The following C22orf23 variants were observed in gnomAD, a reference collection of about 807,000 sequenced individuals.
C22orf23 encodes chromosome 22 open reading frame 23, also known as UPF0193 protein EVG1.
A neutral mutation model predicts 29.7 loss-of-function variants in C22orf23; 30 were observed. That is an observed-to-expected ratio of 1.01 (90% CI 0.76 to 1.37). The LOEUF (loss-of-function observed/expected upper bound fraction) is 1.37, where lower values mean the gene tolerates loss of function less well. Among genes scored for constraint, C22orf23 ranks in the 40% most tolerant of loss-of-function variants. The pLI is 0.00. For missense variants in C22orf23, 237 were observed against 273.1 expected (o/e 0.87, Z 0.93); for synonymous variants, 90 against 96.1 (o/e 0.94, Z 0.37).
intron 3 of C22orf23, 124 bp downstream of exon 3, chr22:37,951,336 G>T: frequency 1.2e-6 from 1 of 854,218 alleles, no homozygotes. Context: ...TTACAGGCAT[G>T]AGCCACGTGC....
rs927473614 is a variant in C22orf23 at position 37,947,317 on chromosome 22, C to A, written c.313G>T (p.Ala105Ser). 13 of 1,613,822 alleles carry A rather than the reference C, an allele frequency of 8.1e-6. No individual in the cohort carries two copies. Among genetic ancestry groups the A allele is most frequent in the Non-Finnish European group, 1.1e-5 (13 of 1,180,014 alleles). Residue 105 changes from alanine (A) to serine (S), a missense_variant, in exon 4 of 7, where the codon GCC (alanine) becomes TCC (serine). Physicochemically the swap from Ala to Ser is moderately conservative, Grantham distance 99. Transcript: ENST00000403305. ...GGCTTGAACTGCTCCCGGCTGTAGG[C>A]CCCATTGGCTTGACACATGTTGGCA... ...RPANMCQANG[A>S]YSREQFKPQA...
At chr22:37,953,660 G>A, upstream of C22orf23, 1 of 1,164,216 alleles carries the variant, frequency 8.6e-7, no homozygotes, top group Non-Finnish European at 1.2e-6. Flanking sequence ...CCTGCCTCCC[G>A]GAAGTGATTT....
chr22:37,950,233 C>T (rs894652809), intron 3 of C22orf23, among the ~76,000 whole-genome samples: 6 of 151,756 alleles, frequency 4.0e-5, no homozygotes, highest in Admixed American at 3.3e-4. Context: ...CTGCCTCAGC[C>T]TCCTGAGTAG....
At chr22:37,945,849 C>T (rs1601847342) in intron 4 of C22orf23, among the ~76,000 whole-genome samples, 2 of 149,980 alleles carry the variant, frequency 1.3e-5, no homozygotes, top group African/African-American at 4.9e-5. Context: ...CACGGTGGCT[C>T]ACACCTGTAA....
chr22:37,947,423 G>T lies in C22orf23; in HGVS notation c.207C>A (p.Ser69Arg), dbSNP rs764416313. ...ALPLQCSPTS[S>R]QRVLPSKQIA... Reference sequence around the variant, plus strand: ...TTTGCTTGGAAGGTAAGACTCTCTGGCTGGATGTTGGGCTGCACTGTAGGG... The same window carrying T: ...TTTGCTTGGAAGGTAAGACTCTCTGTCTGGATGTTGGGCTGCACTGTAGGG... Residue 69 changes from serine (S) to arginine (R), a missense_variant, in exon 4 of 7, where the codon AGC becomes AGA. Ser to Arg is a moderately radical substitution (Grantham distance 110). Transcript: ENST00000403305. 1 of 1,611,534 alleles carries T rather than the reference G, an allele frequency of 6.2e-7. No individual in the cohort carries two copies. Among genetic ancestry groups the T allele is most frequent in the African/African-American group, 1.3e-5 (1 of 74,798 alleles).
chr22:37,951,405 A>G (rs1179007086), intron 3 of C22orf23, 55 bp downstream of exon 3: 3 of 1,489,194 alleles, frequency 2.0e-6, no homozygotes, highest in South Asian at 2.3e-5. Context: ...GAGAAGCATT[A>G]AAAGTGTGGC....
intron 5 of C22orf23, chr22:37,944,751 T>C (rs1396012985): frequency 1.3e-5 from 7 of 554,990 alleles, no homozygotes; most frequent in African/African-American, 7.6e-5. Flanking sequence ...ATACAAAAAT[T>C]AGCCAGGCAT....
chr22:37,951,316 A>G (rs537030599), intron 3 of C22orf23, 144 bp downstream of exon 3: 1 of 705,268 alleles, frequency 1.4e-6, no homozygotes, highest in African/African-American at 1.8e-5. Flanking sequence ...TCAGCCTCCC[A>G]GTGTTGGAAT....
intron 3 of C22orf23, among the ~76,000 whole-genome samples, chr22:37,947,788 A>G (rs1264640359): frequency 6.7e-6 from 1 of 149,366 alleles, no homozygotes; most frequent in Non-Finnish European, 1.5e-5. Flanking sequence ...TATAGGCATG[A>G]GCTATTGCAC....
chr22:37,953,635 C>A, upstream of C22orf23: 1 of 915,050 alleles, frequency 1.1e-6, no homozygotes, highest in Non-Finnish European at 1.6e-6. Context: ...CGCATGCGCA[C>A]TTTCCCCGCT....
At chr22:37,949,168 C>T (rs944476073) in intron 3 of C22orf23, among the ~76,000 whole-genome samples, 9 of 152,112 alleles carry the variant, frequency 5.9e-5, no homozygotes, top group South Asian at 4.1e-4. Context: ...TCCATCCCCC[C>T]GCTTGGCCAT....
In C22orf23 at chr22:37,944,091, G is replaced by T; in HGVS notation, c.*84C>A. ...ACGTGGCAGAAGGCTGGTAGGATGG[G>T]CTGGCCTGAGGATGGCCCTGCCTGG... On this transcript the variant is annotated 3_prime_UTR_variant, in exon 7 of 7. Transcript: ENST00000403305. The T allele has an allele frequency of 7.8e-7, 1 of 1,282,694 alleles. No homozygotes were observed. Among genetic ancestry groups the T allele is most frequent in the Non-Finnish European group, 1.1e-6 (1 of 878,154 alleles). 79.5% of individuals were successfully genotyped at this position (1,282,694 alleles called of 1,614,324 possible).
chr22:37,947,391 G>A lies in C22orf23; in HGVS notation c.239C>T (p.Ser80Leu), dbSNP rs777190464. 1.2e-5 allele frequency: 20 copies of A among 1,613,632 alleles called. No individual in the cohort carries two copies. Among genetic ancestry groups the A allele is most frequent in the Admixed American group, 1.2e-4 (7 of 59,974 alleles). ...QRVLPSKQIASPIYLPPILAA... is the reference protein window; with the variant it reads ...QRVLPSKQIALPIYLPPILAA... ...GAGGATGGGAGGCAGGTAGATGGGC[G>A]AGGCTATTTGCTTGGAAGGTAAGAC... is the stretch of plus-strand genomic sequence containing the variant. Residue 80 changes from serine to leucine, a missense_variant, in exon 4 of 7, where the codon TCG (serine) becomes TTG (leucine). Ser to Leu is a moderately radical substitution (Grantham distance 145). Coordinates refer to ENST00000403305, the MANE Select transcript of C22orf23 (RefSeq NM_032561.5).
rs370075030 is a variant in C22orf23, at chr22:37,947,556, G to T, written c.167-93C>A. On this transcript the variant is annotated intron_variant, in intron 3 of 6. Transcript: ENST00000403305. The stretch of plus-strand genomic sequence containing the variant: ...GTCTGAGTCTTGCTCTGTCACTCAG[G>T]CTGGAGTGCAGCGGCGCGATCTCGG... The T allele has an allele frequency of 2.6e-5, 29 of 1,127,310 alleles. No individual in the cohort carries two copies. The East Asian group carries it at 7.6e-4, about 29-fold the overall frequency. 69.8% of individuals were successfully genotyped at this position (1,127,310 alleles called of 1,614,324 possible). A position where few individuals can be genotyped will look rare whatever the true frequency, so the allele number is the denominator to read the frequency against.
In C22orf23 at chr22:37,944,053, A is replaced by G. The variant is rs1389297231; in HGVS notation, c.*122T>C. The G allele has an allele frequency of 1.9e-5, 17 of 902,546 alleles. No individual in the cohort carries two copies. Among genetic ancestry groups the G allele is most frequent in the South Asian group, 2.7e-5 (2 of 74,130 alleles). 55.9% of individuals were successfully genotyped at this position (902,546 alleles called of 1,614,324 possible). On this transcript the variant is annotated 3_prime_UTR_variant, in exon 7 of 7. Transcript: ENST00000403305. ...CCTTGGGGTACTGCAGGGCAGTGCT[A>G]TGCCACCACCTGACGTGGCAGAAGG...
At chr22:37,953,236 G>A (rs1931181265) in intron 1 of C22orf23, 78 bp from the exon 2 acceptor site, 1 of 1,004,504 alleles carries the variant, frequency 1.0e-6, no homozygotes, top group African/African-American at 1.6e-5. Flanking sequence ...AACACCCCCA[G>A]AAGTCTGGAA....
chr22:37,951,827 T>TTTTTTTTG (rs1931050500), intron 2 of C22orf23: 3 of 141,856 alleles, frequency 2.1e-5, no homozygotes, highest in African/African-American at 6.2e-5. Flanking sequence ...TTTTTTTTTT[T>TTTTTTTTG]TTTTTGAGAT....
intron 3 of C22orf23, chr22:37,950,836 G>T (rs1930967311): frequency 6.6e-6 from 1 of 152,410 alleles, no homozygotes; most frequent in Non-Finnish European, 1.5e-5. Flanking sequence ...AACCCAGGAG[G>T]CGGAGGTTGT....
At chr22:37,944,602 G>C in intron 5 of C22orf23, 85 bp from the exon 6 acceptor site, 2 of 1,208,476 alleles carry the variant, frequency 1.7e-6, no homozygotes, top group East Asian at 4.7e-5. Context: ...TGGTTCTATT[G>C]TCAAATAGTG....
Sources: gnomAD v4.1 joint callset for allele counts (sites outside exome capture counted in the v4.1 genomes callset) on GRCh38, gnomAD v4.1.1 for gene constraint, MANE v1.5 for transcripts, NCBI Gene and HGNC (gene_info 2026-07-23, HGNC 2026-07-21) for gene names.